FANCI: variants seen among roughly 807,000 people sequenced by gnomAD.
FANCI encodes the protein FA complementation group I, also known as Fanconi anemia group I protein.
FANCI carries 156 observed loss-of-function variants against 176.1 expected under a neutral mutation model. The ratio of observed to expected loss-of-function variants is 0.89; its 90% CI spans 0.78 to 1.01. The LOEUF (loss-of-function observed/expected upper bound fraction) is 1.01, where lower values mean the gene tolerates loss of function less well. FANCI is among the 50% of genes least tolerant of loss of function. FANCI has a pLI of 0.00. For missense variants in FANCI, 1,678 were observed against 1,534.1 expected (o/e 1.09, Z -1.57); for synonymous variants, 613 against 541.7 (o/e 1.13, Z -1.83).
At chr15:89,295,249 C>G (rs1208426881) in intron 24 of FANCI, among the ~76,000 whole-genome samples, 155 bp downstream of exon 24, 2 of 151,998 alleles carry the variant, frequency 1.3e-5, no homozygotes, top group African/African-American at 4.8e-5. Context: ...CACTTGTAAT[C>G]CCAGCTACTC....
chr15:89,307,741 T>A (rs1044788186), intron 34 of FANCI, 69 bp downstream of exon 34: 15 of 1,613,548 alleles, frequency 9.3e-6, no homozygotes, highest in Non-Finnish European at 1.2e-5. Context: ...AGGGGACTAT[T>A]GATCACCTGA....
chr15:89,287,879 G>A (rs900883536), intron 18 of FANCI, among the ~76,000 whole-genome samples: 1 of 152,020 alleles, frequency 6.6e-6, no homozygotes, highest in South Asian at 2.1e-4. Context: ...GACACAATTC[G>A]TGACTCTTCA....
At chr15:89,288,751 C>G (rs976282682) in intron 18 of FANCI, among the ~76,000 whole-genome samples, 1 of 151,400 alleles carries the variant, frequency 6.6e-6, no homozygotes, top group South Asian at 2.1e-4. Context: ...CATCCCCAAA[C>G]GATTGGGACC....
chr15:89,247,045 AG>A (rs2151045442), intron 1 of FANCI, among the ~76,000 whole-genome samples: 1 of 148,608 alleles, frequency 6.7e-6, no homozygotes, highest in Non-Finnish European at 1.5e-5. Context: ...CTGGGATTAC[AG>A]GCATGAGCCA....
chr15:89,316,169 G>A, intron 37 of FANCI: 1 of 572,562 alleles, frequency 1.7e-6, no homozygotes, highest in Non-Finnish European at 3.1e-6. Flanking sequence ...AGTATCCTCA[G>A]TATAGCAAAA....
chr15:89,258,373 C>G (rs1382244156), intron 2 of FANCI, among the ~76,000 whole-genome samples: 1 of 152,102 alleles, frequency 6.6e-6, no homozygotes, highest in Non-Finnish European at 1.5e-5. Flanking sequence ...AACTCTGAGT[C>G]AAATTACTAT....
chr15:89,272,158 TACCTCATTG>T (rs1156837169), intron 10 of FANCI, among the ~76,000 whole-genome samples: 1 of 152,212 alleles, frequency 6.6e-6, no homozygotes. Flanking sequence ...TATGAAACAG[TACCTCATTG>T]AGGTTTAACT....
intron 24 of FANCI, among the ~76,000 whole-genome samples, chr15:89,299,269 T>C (rs2054438731): frequency 6.6e-6 from 1 of 152,218 alleles, no homozygotes; most frequent in Non-Finnish European, 1.5e-5. Context: ...TCAAACTTTT[T>C]TCACAAAACT....
At chr15:89,266,515 G>C (rs1293851614) in intron 9 of FANCI, among the ~76,000 whole-genome samples, 1 of 151,732 alleles carries the variant, frequency 6.6e-6, no homozygotes, top group African/African-American at 2.4e-5. Flanking sequence ...TTTTAGTAGA[G>C]ACGGGCTTTC....
Position 89,281,752 on chromosome 15 carries a change from G to A in FANCI, c.1513-13G>A. On this transcript the variant is annotated splice_polypyrimidine_tract_variant and intron_variant, in intron 15 of 37. Transcript: ENST00000310775. ...CAAACTTGTTCTGTTTTTACCCACT[G>A]ATTCTTTTTCAGCCCCTTCTCAAAG... is the stretch of plus-strand genomic sequence containing the variant. 1 of 1,613,464 alleles carries A rather than the reference G, an allele frequency of 6.2e-7. No homozygotes were observed.
intron 24 of FANCI, 62 bp from the exon 25 acceptor site, chr15:89,299,738 T>C: frequency 1.3e-6 from 2 of 1,550,732 alleles, no homozygotes; most frequent in Admixed American, 1.7e-5. Flanking sequence ...AGAATTTTAC[T>C]GTTTGTTATT....
At position 89,304,116 on chromosome 15, in the gene FANCI, AT is replaced by A. The variant is rs541558897; in HGVS notation, c.3058+203del. 2.5e-3 allele frequency among the ~76,000 whole-genome samples: 384 copies of A among 152,320 alleles called. 9 individuals carry two copies. Among genetic ancestry groups the A allele is most frequent in the Non-Finnish European group, 4.6e-4 (31 of 68,028 alleles). ...TCATTCACTGGGGGTGGAGGTAGAA[AT>A]TGGTATAACCACTATGGAAAACTGT... On this transcript the variant is annotated intron_variant, in intron 28 of 37. Transcript: ENST00000310775.
In FANCI at chr15:89,274,152, A is replaced by C; in HGVS notation, c.976-16A>C. ...TTTATTTATTTTTTCATTTATTTTT[A>C]TTAACTATACTCAAGGTGCTTGATC... On this transcript the variant is annotated splice_polypyrimidine_tract_variant and intron_variant, in intron 11 of 37. Coordinates refer to ENST00000310775, the MANE Select transcript of FANCI (RefSeq NM_001113378.2). The C allele has an allele frequency of 6.6e-7, 1 of 1,516,898 alleles. No homozygotes were observed. The allele number at this position is 1,516,898 out of a possible 1,614,324, so 94.0% of individuals were successfully genotyped here. A position where few individuals can be genotyped will look rare whatever the true frequency, so the allele number is the denominator to read the frequency against.
At chr15:89,302,389 A>G (rs2054555927) in intron 27 of FANCI, among the ~76,000 whole-genome samples, 3 of 152,192 alleles carry the variant, frequency 2.0e-5, no homozygotes, top group African/African-American at 7.2e-5. Flanking sequence ...CAAAGAGGAA[A>G]GGACTGAGAA....
At chr15:89,275,763 G>A (rs547776518) in intron 12 of FANCI, among the ~76,000 whole-genome samples, 1 of 152,286 alleles carries the variant, frequency 6.6e-6, no homozygotes, top group Non-Finnish European at 1.5e-5. Context: ...CCCATCTTCT[G>A]GAAATCTCAA....
intron 25 of FANCI, 32 bp downstream of exon 25, chr15:89,299,998 A>T: frequency 6.2e-7 from 1 of 1,612,164 alleles, no homozygotes; most frequent in Admixed American, 1.7e-5. Context: ...AATAGGCTTG[A>T]TTTAGGTTTC....
intron 17 of FANCI, among the ~76,000 whole-genome samples, chr15:89,284,674 T>C (rs913145271): frequency 2.0e-5 from 3 of 152,234 alleles, no homozygotes; most frequent in Admixed American, 1.3e-4. Flanking sequence ...TTCTTTGTCA[T>C]GTCCATTTCT....
chr15:89,304,433 C>A (rs981149300), intron 28 of FANCI, among the ~76,000 whole-genome samples: 1 of 152,144 alleles, frequency 6.6e-6, no homozygotes, highest in Admixed American at 6.5e-5. Flanking sequence ...TGTAGAATTC[C>A]GTTTAGATGA....
At chr15:89,260,616 C>T (rs2052673382) in intron 3 of FANCI, 97 bp from the exon 4 acceptor site, 3 of 1,487,914 alleles carry the variant, frequency 2.0e-6, no homozygotes, top group Non-Finnish European at 2.8e-6. Context: ...TTTGATAATT[C>T]TGTTTTTTTG....
Sources: gnomAD v4.1 joint callset for allele counts (sites outside exome capture counted in the v4.1 genomes callset) on GRCh38, gnomAD v4.1.1 for gene constraint, MANE v1.5 for transcripts, NCBI Gene and HGNC (gene_info 2026-07-23, HGNC 2026-07-21) for gene names.